The following DNAH14 variants were observed in gnomAD, a reference collection of about 807,000 sequenced individuals.
The protein encoded by DNAH14 is dynein axonemal heavy chain 14, also known as axonemal beta dynein heavy chain 14.
DNAH14 carries 478 observed loss-of-function variants against 520.9 expected under a neutral mutation model. That is an observed-to-expected ratio of 0.92 (90% CI 0.85 to 0.99). The LOEUF (loss-of-function observed/expected upper bound fraction) is 0.99. DNAH14 is among the 50% of genes least tolerant of loss of function. The pLI is 0.00. For synonymous variants in DNAH14, 1,581 were observed against 1,757.2 expected (o/e 0.90, Z 2.51); for missense variants, 4,831 against 5,234.5 (o/e 0.92, Z 2.38).
intron 34 of DNAH14, 138 bp from the exon 35 acceptor site, chr1:225,159,176 A>G: frequency 6.0e-6 from 4 of 666,822 alleles, no homozygotes; most frequent in Middle Eastern, 3.1e-4. Flanking sequence ...CCCAAACCAT[A>G]TGGCTGCTAT....
Position 224,960,813 on chromosome 1 carries a change from A to G in DNAH14, c.367+511A>G, listed in dbSNP as rs1343865125. Among the ~76,000 whole-genome samples the G allele has an allele frequency of 2.0e-5, 3 of 152,158 alleles. No individual in the cohort carries two copies. The East Asian group carries it at 5.8e-4, about 29-fold the overall frequency. On this transcript the variant is annotated intron_variant, in intron 4 of 85. Transcript: ENST00000682510. Reference sequence around the variant, plus strand: ...TTTTCACTGAAACACCATGGTACAGAGGTGGATTTATCATAAAGCTATTGA... The same window carrying G: ...TTTTCACTGAAACACCATGGTACAGGGGTGGATTTATCATAAAGCTATTGA...
chr1:225,277,587 A>G, intron 54 of DNAH14, 85 bp downstream of exon 54: 1 of 436,816 alleles, frequency 2.3e-6, no homozygotes, highest in Non-Finnish European at 4.8e-6. Flanking sequence ...CAGAAGTTTT[A>G]TTTAGCCACA....
intron 36 of DNAH14, among the ~76,000 whole-genome samples, chr1:225,171,094 A>G (rs2149224347): frequency 6.6e-6 from 1 of 152,356 alleles, no homozygotes. Flanking sequence ...ACAGCATACC[A>G]GAGTCTCTGG....
intron 22 of DNAH14, 120 bp downstream of exon 22, chr1:225,097,359 TA>T (rs2148702565): frequency 6.4e-6 from 6 of 932,938 alleles, no homozygotes; most frequent in East Asian, 5.5e-5. Context: ...CCTACAGACA[TA>T]GGGGTATAAT....
At chr1:224,968,017 A>G (rs1021180297) in intron 6 of DNAH14, 4 of 895,924 alleles carry the variant, frequency 4.5e-6, no homozygotes, top group Non-Finnish European at 5.4e-6. Flanking sequence ...AAAATATACA[A>G]TTACTTGTTT....
At position 225,207,193 on chromosome 1, in the gene DNAH14, A is replaced by T; in HGVS notation, c.6412A>T (p.Met2138Leu). The T allele has an allele frequency of 2.0e-6, 3 of 1,530,556 alleles. No individual in the cohort carries two copies. Among genetic ancestry groups the T allele is most frequent in the Non-Finnish European group, 2.6e-6 (3 of 1,137,128 alleles). 94.8% of individuals were successfully genotyped at this position (1,530,556 alleles called of 1,614,324 possible). A position where few individuals can be genotyped will look rare whatever the true frequency, so the allele number is the denominator to read the frequency against. ...AATTCTTGATGCTTTCTTTGACTTCATGGGTAAAAATGGAGGATTTGAACA... is the reference window on the plus strand; with the variant it reads ...AATTCTTGATGCTTTCTTTGACTTCTTGGGTAAAAATGGAGGATTTGAACA... ...CRILDAFFDFMGKNGGFEQSD... is the reference protein window; with the variant it reads ...CRILDAFFDFLGKNGGFEQSD... Residue 2138 changes from methionine to leucine, a missense_variant, in exon 41 of 86, where the codon ATG (methionine) becomes TTG (leucine). Transcript: ENST00000682510.
chr1:225,184,923 G>A (rs1364382509), intron 36 of DNAH14, among the ~76,000 whole-genome samples: 1 of 151,900 alleles, frequency 6.6e-6, no homozygotes, highest in Non-Finnish European at 1.5e-5. Flanking sequence ...GAACAACCAG[G>A]TAAAAGAAAG....
At position 225,333,470 on chromosome 1, in the gene DNAH14, A is replaced by G. The variant is rs2094845180; in HGVS notation, c.10044A>G (p.Lys3348=). Residue 3348 remains lysine (K), a synonymous_variant, in exon 66 of 86, where the codon AAA becomes AAG. Transcript: ENST00000682510. ...AAAATGGCATTTCTTTGTCTTCCAAATTCTCTTTAATTAAAGTTATGGCAC... is the reference window on the plus strand; with the variant it reads ...AAAATGGCATTTCTTTGTCTTCCAAGTTCTCTTTAATTAAAGTTATGGCAC... ...CIENGISLSS[K]FSLIKVMAQK... is the part of the protein sequence containing the mutation. 7.1e-6 allele frequency: 11 copies of G among 1,551,142 alleles called. No homozygotes were observed. The highest frequency in any genetic ancestry group is 1.4e-5 in the African/African-American group (1 of 73,148).
intron 60 of DNAH14, among the ~76,000 whole-genome samples, chr1:225,308,828 T>C (rs188676048): frequency 6.6e-6 from 1 of 152,344 alleles, no homozygotes; most frequent in Non-Finnish European, 1.5e-5. Flanking sequence ...CCTCCATACA[T>C]TCCAGTCGGG....
rs1465600527 is a variant in DNAH14 at position 225,388,412 on chromosome 1, T to C, written c.13111T>C (p.Ser4371Pro). 2 of 1,533,966 alleles carry C rather than the reference T, an allele frequency of 1.3e-6. No homozygotes were observed. Among genetic ancestry groups the C allele is most frequent in the East Asian group, 4.9e-5 (2 of 40,458 alleles). ...HAYRSCKPLS[S>P]WIDDLIQRLN... ...CTACAGATCTTGTAAGCCACTGAGT[T>C]CCTGGATTGATGATCTCATCCAGCG... The change falls in exon 82 of 86, where the codon TCC becomes CCC. Residue 4371 changes from serine to proline, a missense_variant. Physicochemically the swap from Ser to Pro is moderately conservative, Grantham distance 74. Coordinates refer to ENST00000682510, the MANE Select transcript of DNAH14 (RefSeq NM_001367479.1).
chr1:225,117,567 A>G (rs1264245081), intron 23 of DNAH14, 117 bp from the exon 24 acceptor site: 51 of 642,302 alleles, frequency 7.9e-5, no homozygotes, highest in Non-Finnish European at 1.3e-4. Context: ...TGATACTACT[A>G]TATATACCAT....
chr1:224,944,527 C>A (rs979074555), intron 1 of DNAH14, among the ~76,000 whole-genome samples: 5 of 152,072 alleles, frequency 3.3e-5, no homozygotes, highest in African/African-American at 1.2e-4. Context: ...AATTTTGATC[C>A]TGTCATTATG....
At chr1:225,065,314 C>T (rs2070737195) in intron 17 of DNAH14, among the ~76,000 whole-genome samples, 1 of 151,752 alleles carries the variant, frequency 6.6e-6, no homozygotes, top group Admixed American at 6.6e-5. Context: ...AGCTAATTAA[C>T]ATATCCATCA....
intron 41 of DNAH14, among the ~76,000 whole-genome samples, chr1:225,212,747 G>C (rs947951541): frequency 6.6e-6 from 1 of 151,974 alleles, no homozygotes; most frequent in Non-Finnish European, 1.5e-5. Flanking sequence ...ACTTTTTGAC[G>C]GGGCTGTTTG....
intron 81 of DNAH14, among the ~76,000 whole-genome samples, chr1:225,384,780 G>A (rs1223731887): frequency 2.0e-5 from 3 of 152,150 alleles, no homozygotes; most frequent in Non-Finnish European, 4.4e-5. Context: ...CAGATTCACA[G>A]CCAAATTCTA....
Position 225,247,394 on chromosome 1 carries a change from A to T in DNAH14, c.6749-4907A>T, listed in dbSNP as rs773989861. ...TGTATTCCAGAACTTAAAGAATAAT[A>T]AAAAAAATAAGTAAATAAAAAGAAA... On this transcript the variant is annotated intron_variant, in intron 43 of 85. Transcript: ENST00000682510. 2.5e-4 allele frequency among the ~76,000 whole-genome samples: 38 copies of T among 152,124 alleles called. 1 individual carries two copies. The highest frequency in any genetic ancestry group is 6.8e-3 in the Middle Eastern group (2 of 294).
Position 225,358,581 on chromosome 1 carries a change from C to G in DNAH14, c.11705C>G (p.Thr3902Ser), listed in dbSNP as rs932118091. 8 of 1,549,112 alleles carry G rather than the reference C, an allele frequency of 5.2e-6. No homozygotes were observed. The Admixed American group carries it at 1.6e-4, about 31-fold the overall frequency. Residue 3902 changes from threonine (T) to serine (S), a missense_variant, in exon 74 of 86, where the codon ACT (threonine) becomes AGT (serine). Thr to Ser is a moderately conservative substitution (Grantham distance 58, BLOSUM62 1). Coordinates refer to ENST00000682510, the MANE Select transcript of DNAH14 (RefSeq NM_001367479.1). Reference protein sequence around the residue: ...EKMGNKYLQRTGVNLKDAYKG... With the variant: ...EKMGNKYLQRSGVNLKDAYKG... ...ATGGGAAATAAGTATCTTCAAAGAA[C>G]TGGAGTTAATTTGAAAGATGCATAT...
intron 17 of DNAH14, among the ~76,000 whole-genome samples, chr1:225,061,971 C>A (rs941542477): frequency 6.6e-6 from 1 of 152,140 alleles, no homozygotes; most frequent in African/African-American, 2.4e-5. Flanking sequence ...CTGGACTTAA[C>A]CTCCTTCCAT....
intron 8 of DNAH14, among the ~76,000 whole-genome samples, chr1:224,985,159 T>G (rs1332169780): frequency 6.6e-6 from 1 of 152,176 alleles, no homozygotes; most frequent in African/African-American, 2.4e-5. Flanking sequence ...AAAAAGATAC[T>G]TGCACATGCA....
Sources: allele counts gnomAD v4.1 joint callset (sites outside exome capture counted in the v4.1 genomes callset), GRCh38; gene constraint gnomAD v4.1.1; transcripts MANE v1.5; gene names NCBI Gene and HGNC (gene_info 2026-07-23, HGNC 2026-07-21).